ADAMTSL1: variants seen among roughly 807,000 people sequenced by gnomAD.
ADAMTSL1 encodes the protein ADAMTS like 1.
In ADAMTSL1, 126 loss-of-function variants were observed where a neutral mutation model predicts 201.8. The observed-to-expected ratio is 0.62, with a 90% CI of 0.54 to 0.72. ADAMTSL1 has a LOEUF of 0.72. ADAMTSL1 is among the 30% of genes least tolerant of loss of function. The pLI is 0.00. For missense variants in ADAMTSL1, 2,679 were observed against 2,277.8 expected, an observed-to-expected ratio of 1.18 and a Z score of -3.59; for synonymous variants, 1,121 against 903.4, an observed-to-expected ratio of 1.24 and a Z score of -4.32.
chr9:18,039,896 TTGTC>T (rs1436618657), intron 1 of ADAMTSL1, among the ~76,000 whole-genome samples: 1 of 152,208 alleles, frequency 6.6e-6, no homozygotes, highest in African/African-American at 2.4e-5. Context: ...TGAATCCGAT[TTGTC>T]TGTCTTCTTG....
intron 23 of ADAMTSL1, among the ~76,000 whole-genome samples, chr9:18,866,128 A>AAAAAAAAAAAAAAAAAAAAAAAAAAAAAG: frequency 1.3e-5 from 2 of 151,210 alleles, no homozygotes; most frequent in Non-Finnish European, 2.9e-5. Context: ...AAAAAAAAAA[A>AAAAAAAAAAAAAAAAAAAAAAAAAAAAAG]AATGACGGAT....
intron 14 of ADAMTSL1, among the ~76,000 whole-genome samples, chr9:18,712,822 G>C (rs1050804461): frequency 5.0e-4 from 76 of 150,906 alleles, no homozygotes; most frequent in Non-Finnish European, 8.7e-4. Context: ...TTGAAATGAA[G>C]GAAAAAATGT....
chr9:18,297,765 G>C (rs190544510), intron 2 of ADAMTSL1, among the ~76,000 whole-genome samples: 4 of 152,308 alleles, frequency 2.6e-5, no homozygotes, highest in Admixed American at 6.5e-5. Context: ...TAACTGAAGG[G>C]AAAGGGAGAG....
chr9:18,476,893 G>A (rs1332340257), intron 1 of ADAMTSL1, among the ~76,000 whole-genome samples: 1 of 152,128 alleles, frequency 6.6e-6, no homozygotes, highest in Non-Finnish European at 1.5e-5. Context: ...ATTGAAGGTT[G>A]TTCAGCCTTC....
At chr9:18,737,206 C>T (rs985767044) in intron 15 of ADAMTSL1, among the ~76,000 whole-genome samples, 13 of 151,014 alleles carry the variant, frequency 8.6e-5, no homozygotes, top group Admixed American at 3.3e-4. Context: ...GTAATCCCAG[C>T]TACTCGGGAG....
chr9:18,905,329 C>T (rs768203006), intron 26 of ADAMTSL1, among the ~76,000 whole-genome samples: 2 of 152,188 alleles, frequency 1.3e-5, no homozygotes, highest in Non-Finnish European at 2.9e-5. Context: ...GTTTAACCTG[C>T]AGAAAATGAA....
chr9:18,315,539 C>A (rs1016798404), intron 2 of ADAMTSL1, among the ~76,000 whole-genome samples: 2 of 152,124 alleles, frequency 1.3e-5, no homozygotes, highest in Non-Finnish European at 2.9e-5. Flanking sequence ...ATGGGTGGGC[C>A]GGCAGTGCTG....
rs943620411 is a variant in ADAMTSL1 at position 18,718,411 on chromosome 9, A to C, written c.1877-3125A>C. 7.4e-6 allele frequency: 5 copies of C among 678,666 alleles called. No homozygotes were observed. The African/African-American group carries it at 8.8e-5, about 12-fold the overall frequency. 42.0% of individuals were successfully genotyped at this position (678,666 alleles called of 1,614,324 possible). On this transcript the variant is annotated intron_variant, in intron 14 of 28. Coordinates refer to ENST00000380548, the MANE Select transcript of ADAMTSL1 (RefSeq NM_001040272.6). ...GCATCTACTTCAACTTGCTTTCTAT[A>C]AGAATCTTCTATCATAGGACATATT...
chr9:18,541,743 T>A (rs1198678697), intron 3 of ADAMTSL1, among the ~76,000 whole-genome samples: 1 of 152,188 alleles, frequency 6.6e-6, no homozygotes, highest in Non-Finnish European at 1.5e-5. Flanking sequence ...ATCGTTCTAA[T>A]ATATGTACAA....
At chr9:18,206,237 G>T (rs139756010) in intron 2 of ADAMTSL1, among the ~76,000 whole-genome samples, 140 of 151,962 alleles carry the variant, frequency 9.2e-4, no homozygotes, top group African/African-American at 2.7e-3. Flanking sequence ...GTATTTTTTT[G>T]TGTGTGTGTC....
chr9:18,180,349 C>T (rs13295947), intron 2 of ADAMTSL1, among the ~76,000 whole-genome samples: 22,314 of 151,562 alleles, frequency 0.15, 1,831 homozygotes, highest in East Asian at 0.24. Flanking sequence ...CCGGCTAAAA[C>T]GGTGAAACCC....
intron 26 of ADAMTSL1, among the ~76,000 whole-genome samples, chr9:18,895,892 C>T (rs1032983597): frequency 3.3e-5 from 5 of 152,132 alleles, no homozygotes; most frequent in African/African-American, 1.2e-4. Context: ...AGGCATTGAA[C>T]ATTAAAGACA....
chr9:18,314,779 G>T (rs11999378), intron 2 of ADAMTSL1, among the ~76,000 whole-genome samples: 1 of 106,566 alleles, frequency 9.4e-6, no homozygotes, highest in African/African-American at 3.2e-5. Flanking sequence ...CTTCGGCAGC[G>T]TGCTTTTTTT....
chr9:18,152,991 T>G (rs1233299638), intron 1 of ADAMTSL1, among the ~76,000 whole-genome samples: 2 of 152,040 alleles, frequency 1.3e-5, no homozygotes, highest in Non-Finnish European at 2.9e-5. Context: ...CTTCTTAAAG[T>G]TTGGCATCTA....
intron 2 of ADAMTSL1, among the ~76,000 whole-genome samples, chr9:18,280,353 G>A (rs1832738275): frequency 6.6e-6 from 1 of 151,668 alleles, no homozygotes; most frequent in Admixed American, 6.6e-5. Context: ...ACTGGGGTAG[G>A]CCTGGAACCT....
At chr9:18,042,922 A>C (rs900208058) in intron 1 of ADAMTSL1, among the ~76,000 whole-genome samples, 1 of 152,140 alleles carries the variant, frequency 6.6e-6, no homozygotes, top group Non-Finnish European at 1.5e-5. Flanking sequence ...ATCCAGGAAA[A>C]AATTCACGGG....
intron 3 of ADAMTSL1, among the ~76,000 whole-genome samples, chr9:18,535,299 G>T (rs1587487929): frequency 6.6e-6 from 1 of 152,154 alleles, no homozygotes; most frequent in African/African-American, 2.4e-5. Context: ...TTCCCAACAA[G>T]TTCCTTTTCT....
intron 1 of ADAMTSL1, among the ~76,000 whole-genome samples, chr9:18,056,800 T>A (rs1195168183): frequency 6.6e-6 from 1 of 152,122 alleles, no homozygotes; most frequent in Non-Finnish European, 1.5e-5. Context: ...AGGAACCCAC[T>A]CTGGGTTTCT....
chr9:18,297,770 G>A (rs1294450585), intron 2 of ADAMTSL1, among the ~76,000 whole-genome samples: 1 of 152,148 alleles, frequency 6.6e-6, no homozygotes, highest in Non-Finnish European at 1.5e-5. Flanking sequence ...GAAGGGAAAG[G>A]GAGAGAAGTG....
Sources: gnomAD v4.1 joint callset for allele counts (sites outside exome capture counted in the v4.1 genomes callset) on GRCh38, gnomAD v4.1.1 for gene constraint, MANE v1.5 for transcripts, NCBI Gene and HGNC (gene_info 2026-07-23, HGNC 2026-07-21) for gene names.